Variants in AHDC1 observed in about 807,000 individuals in gnomAD.
AHDC1 encodes transcription factor Gibbin.
In AHDC1, 7 loss-of-function variants were observed where a neutral mutation model predicts 87.9. The ratio of observed to expected loss-of-function variants is 0.08; its 90% confidence interval spans 0.05 to 0.15. AHDC1 has a LOEUF of 0.15. Ranked by LOEUF, AHDC1 falls within the 10% of genes least tolerant of loss-of-function variation. The pLI, the probability that AHDC1 is intolerant of heterozygous loss-of-function variation, is 1.00. For missense variants in AHDC1, 1,841 were observed against 2,253.2 expected, an observed-to-expected ratio of 0.82 and a Z score of 3.70; for synonymous variants, 1,051 against 1,006.8, an observed-to-expected ratio of 1.04 and a Z score of -0.83.
chr1:27,581,191 G>A (rs895722743), intron 3 of AHDC1, among the ~76,000 whole-genome samples: 1 of 151,860 alleles, frequency 6.6e-6, no homozygotes, highest in African/African-American at 2.4e-5. Context: ...GTGTAGTGGC[G>A]TGATCATAGC....
rs1305505665 is a variant in AHDC1 at position 27,598,217 on chromosome 1, C to G, written c.-629+5180G>C. Among the ~76,000 whole-genome samples the G allele has an allele frequency of 6.6e-6, 1 of 152,202 alleles. No individual in the cohort carries two copies. The highest frequency in any genetic ancestry group is 1.5e-5 in the Non-Finnish European group (1 of 68,034). ...GGGCCAGCCAGCTGCAGAAGCAGCC[C>G]CTCCCCTGGGCTCCCAGGCCAAGGA... On this transcript the variant is annotated intron_variant, in intron 3 of 8. Coordinates refer to ENST00000673934, the MANE Select transcript of AHDC1 (RefSeq NM_001371928.1). The surrounding 1 kb of genome is among the most constrained non-coding windows in gnomAD (Gnocchi z 4.2).
chr1:27,574,669 A>G (rs917970867), intron 3 of AHDC1, among the ~76,000 whole-genome samples: 1 of 152,204 alleles, frequency 6.6e-6, no homozygotes, highest in Non-Finnish European at 1.5e-5. Flanking sequence ...AGGGTCCACC[A>G]TCAGATGGGG....
At chr1:27,541,286 G>A (rs1055387502) in intron 8 of AHDC1, among the ~76,000 whole-genome samples, 7 of 152,158 alleles carry the variant, frequency 4.6e-5, no homozygotes, top group African/African-American at 1.7e-4. Context: ...CCCTGTTCTA[G>A]AGAGTGATGC....
intron 7 of AHDC1, 95 bp from the exon 8 acceptor site, chr1:27,552,284 G>A: frequency 8.3e-7 from 1 of 1,210,446 alleles, no homozygotes; most frequent in Non-Finnish European, 1.1e-6. Flanking sequence ...CCTCCCTCCT[G>A]AGGTCTCATC....
chr1:27,573,545 C>T (rs1230486780), intron 3 of AHDC1, among the ~76,000 whole-genome samples: 1 of 152,142 alleles, frequency 6.6e-6, no homozygotes, highest in South Asian at 2.1e-4. Flanking sequence ...GACATGAGCA[C>T]CTCGCAGCCC....
chr1:27,550,801 C>T lies in AHDC1; in HGVS notation c.1315G>A (p.Ala439Thr), dbSNP rs773304560. The T allele has an allele frequency of 3.8e-6, 6 of 1,566,462 alleles. No homozygotes were observed. In the South Asian group the frequency reaches 6.9e-5, roughly 18 times the overall value. Residue 439 changes from alanine (A) to threonine (T), a missense_variant, in exon 8 of 9, where the codon GCC (alanine) becomes ACC (threonine). Physicochemically the swap from Ala to Thr is moderately conservative, Grantham distance 58. Around this residue, in one of 13 missense-constraint regions of AHDC1, gnomAD observed 370 missense variants for 391.5 expected, o/e 0.95. Coordinates refer to ENST00000673934, the MANE Select transcript of AHDC1 (RefSeq NM_001371928.1). ...GAGACCGGGCCTGGGCCTGGCAGGG[C>T]AGGGGGTGGAGGAGGCGGTGGTGGT... ...PPPPPPPPPP[A>T]LPGPGPVSVP...
chr1:27,550,614 C>A lies in AHDC1; in HGVS notation c.1502G>T (p.Ser501Ile), dbSNP rs1359515866. The A allele has an allele frequency of 6.2e-7, 1 of 1,613,670 alleles. No individual in the cohort carries two copies. The highest frequency in any genetic ancestry group is 8.5e-7 in the Non-Finnish European group (1 of 1,180,054). Reference protein sequence around the residue: ...TTYKVSSLSSSLSVEGKELGL... With the variant: ...TTYKVSSLSSILSVEGKELGL... ...CAGCTCCTTGCCCTCCACGCTCAGG[C>A]TGCTGCTCAAGGAAGACACTTTGTA... The change falls in exon 8 of 9, where the codon AGC (serine) becomes ATC (isoleucine). Residue 501 changes from serine (S) to isoleucine (I), a missense_variant. Coordinates refer to ENST00000673934, the MANE Select transcript of AHDC1 (RefSeq NM_001371928.1).
chr1:27,563,149 CCA>C lies in AHDC1; in HGVS notation c.-628-4268_-628-4267del, dbSNP rs576612544. Among the ~76,000 whole-genome samples the C allele has an allele frequency of 1.3e-5, 2 of 150,634 alleles. No individual in the cohort carries two copies. The highest frequency in any genetic ancestry group is 2.5e-5 in the African/African-American group (1 of 40,756). ...CGCACGCACGCATGCATGCACACAC[CCA>C]CACAAAGAACCTGTCACATAGTTGA... is the stretch of plus-strand genomic sequence containing the variant. On this transcript the variant is annotated intron_variant, in intron 3 of 8. Coordinates refer to ENST00000673934, the MANE Select transcript of AHDC1 (RefSeq NM_001371928.1). This position sits in a 1 kb window ranked among gnomAD's most constrained non-coding sequence, Gnocchi z 6.1.
chr1:27,549,244 G>C lies in AHDC1; in HGVS notation c.2872C>G (p.Pro958Ala). 6.2e-7 allele frequency: 1 copy of C among 1,604,824 alleles called. No individual in the cohort carries two copies. Among genetic ancestry groups the C allele is most frequent in the Non-Finnish European group, 8.5e-7 (1 of 1,174,616 alleles). ...GTGTTGGCAGGCGGGTGGGTGGTAG[G>C]TGAGCGGGCCATGGCTGAGGGCGGG... Reference protein sequence around the residue: ...VPPPSAMARSPTTHPPANTYL... With the variant: ...VPPPSAMARSATTHPPANTYL... The change falls in exon 8 of 9, where the codon CCT becomes GCT. Residue 958 changes from proline to alanine, a missense_variant. Physicochemically the swap from Pro to Ala is conservative, Grantham distance 27. This residue lies in a region of AHDC1 where 378 missense variants were observed against 399.0 expected (regional missense o/e 0.95). Coordinates refer to ENST00000673934, the MANE Select transcript of AHDC1 (RefSeq NM_001371928.1).
rs1302076339 is a variant in AHDC1, at chr1:27,603,752, G to GTCCTCCTGCTCC, written c.-763_-752dup. 8 of 141,978 alleles carry GTCCTCCTGCTCC rather than the reference G, an allele frequency of 5.6e-5. No homozygotes were observed. The highest frequency in any genetic ancestry group is 2.1e-4 in the African/African-American group (8 of 38,164). The allele number at this position is 141,978 out of a possible 1,614,324, so 8.8% of individuals were successfully genotyped here. A position where few individuals can be genotyped will look rare whatever the true frequency, so the allele number is the denominator to read the frequency against. Reference sequence around the variant, plus strand: ...CCTGGGAGGGAACGCGCCCCGCGTAGTCCTCCTGCTCCTCCTCCTCCGCCC... The same window carrying GTCCTCCTGCTCC: ...CCTGGGAGGGAACGCGCCCCGCGTAGTCCTCCTGCTCCTCCTCCTGCTCCTCCTCCTCCGCCC... On this transcript the variant is annotated 5_prime_UTR_variant, in exon 2 of 9. Transcript: ENST00000673934.
chr1:27,594,031 C>G (rs1301167853), intron 3 of AHDC1, among the ~76,000 whole-genome samples: 3 of 152,118 alleles, frequency 2.0e-5, no homozygotes, highest in Non-Finnish European at 1.5e-5. Flanking sequence ...ATACCCAGAG[C>G]CCCCCTATCT....
intron 3 of AHDC1, among the ~76,000 whole-genome samples, chr1:27,572,460 C>T (rs534026485): frequency 2.0e-5 from 3 of 152,140 alleles, no homozygotes; most frequent in Non-Finnish European, 4.4e-5. Context: ...CTGATAGCAG[C>T]CCAAACGGCC....
chr1:27,540,460 G>T (rs2018853956), intron 8 of AHDC1, among the ~76,000 whole-genome samples: 1 of 152,004 alleles, frequency 6.6e-6, no homozygotes, highest in African/African-American at 2.4e-5. Flanking sequence ...GGTGGGGGAG[G>T]GGAGGACGGT....
At chr1:27,554,196 G>A (rs1316237943) in intron 5 of AHDC1, among the ~76,000 whole-genome samples, 1 of 152,218 alleles carries the variant, frequency 6.6e-6, no homozygotes, top group Non-Finnish European at 1.5e-5. Context: ...GATGCTGAGA[G>A]AGGGACCTAA....
rs6660472 is a variant in AHDC1 at position 27,540,411 on chromosome 1, C to A, written c.*44-5495G>T. Among the ~76,000 whole-genome samples the A allele has an allele frequency of 4.9e-3, 719 of 148,046 alleles. 2 individuals are homozygous for A. The highest frequency in any genetic ancestry group is 8.1e-3 in the Non-Finnish European group (541 of 66,796). On this transcript the variant is annotated intron_variant, in intron 8 of 8. Transcript: ENST00000673934. Reference sequence around the variant, plus strand: ...TCAACTCAAGTTAAAAAAAAAAAAACAAAAAAACCTGAAATGTCCCAGGCA... The same window carrying A: ...TCAACTCAAGTTAAAAAAAAAAAAAAAAAAAAACCTGAAATGTCCCAGGCA...
At chr1:27,571,612 G>T (rs142680991) in intron 3 of AHDC1, among the ~76,000 whole-genome samples, 126 of 152,140 alleles carry the variant, frequency 8.3e-4, no homozygotes, top group Non-Finnish European at 1.4e-3. Flanking sequence ...AGCCAAGGAG[G>T]GGGGGGTGGC....
Position 27,548,774 on chromosome 1 carries a change from A to G in AHDC1, c.3342T>C (p.Tyr1114=). 2 of 1,613,158 alleles carry G rather than the reference A, an allele frequency of 1.2e-6. No homozygotes were observed. Among genetic ancestry groups the G allele is most frequent in the South Asian group, 1.1e-5 (1 of 91,084 alleles). Residue 1114 remains tyrosine (Y), a synonymous_variant, in exon 8 of 9, where the codon TAT becomes TAC. Transcript: ENST00000673934. ...GASQWPFRQG[Y]GGLDWASEAF... is the part of the protein sequence containing the mutation. ...CCTCTGAGGCCCAGTCCAGGCCTCC[A>G]TAGCCCTGCCGGAAAGGCCACTGAG...
At chr1:27,585,726 G>A (rs1369779264) in intron 3 of AHDC1, among the ~76,000 whole-genome samples, 5 of 152,048 alleles carry the variant, frequency 3.3e-5, no homozygotes, top group African/African-American at 4.8e-5. Context: ...CCATTTCCCG[G>A]CCTAATCAGT....
rs2019327509 is a variant in AHDC1, at chr1:27,548,630, G to A, written c.3486C>T (p.Thr1162=). The change falls in exon 8 of 9, where the codon ACC becomes ACT. Residue 1162 remains threonine, a synonymous_variant. Transcript: ENST00000673934. ...KVKQQTAVSE[T]FSESSSDSTQ... ...TGCTGTCGGAGGATGACTCAGAGAA[G>A]GTCTCCGACACAGCCGTCTGCTGCT... is the stretch of plus-strand genomic sequence containing the variant. 1 of 1,613,484 alleles carries A rather than the reference G, an allele frequency of 6.2e-7. No individual in the cohort carries two copies. The highest frequency in any genetic ancestry group is 8.5e-7 in the Non-Finnish European group (1 of 1,180,040).
Sources: gnomAD v4.1 joint callset for allele counts (sites outside exome capture counted in the v4.1 genomes callset) on GRCh38, gnomAD v4.1.1 for gene constraint, gnomAD v4.1.1 regional missense constraint, Gnocchi (gnomAD v3.1) non-coding constraint, MANE v1.5 for transcripts, NCBI Gene and HGNC (gene_info 2026-07-23, HGNC 2026-07-21) for gene names.